Variants in VPS13D observed in about 807,000 individuals in gnomAD.
The protein encoded by VPS13D is intermembrane lipid transfer protein VPS13D.
VPS13D carries 187 observed loss-of-function variants against 461.9 expected under a neutral mutation model. The observed-to-expected ratio is 0.40, with a 90% CI of 0.36 to 0.46. The LOEUF is 0.46. VPS13D is among the 20% of genes least tolerant of loss of function. The pLI is 0.60. For missense variants in VPS13D, 4,711 were observed against 5,364.9 expected (o/e 0.88, Z 3.81); for synonymous variants, 1,951 against 1,986.3 (o/e 0.98, Z 0.47).
At chr1:12,482,664 T>C (rs1203545804) in intron 67 of VPS13D, among the ~76,000 whole-genome samples, 4 of 151,886 alleles carry the variant, frequency 2.6e-5, no homozygotes, top group Non-Finnish European at 5.9e-5. Flanking sequence ...TTATTCTCCC[T>C]GGGCATTGAC....
chr1:12,232,329 C>T (rs898982431), intron 1 of VPS13D, among the ~76,000 whole-genome samples: 4 of 152,164 alleles, frequency 2.6e-5, no homozygotes, highest in African/African-American at 9.7e-5. Flanking sequence ...AGGCCTTGTG[C>T]TTCAGGTAGT....
At position 12,311,528 on chromosome 1, in the gene VPS13D, A is replaced by G. The variant is rs1358570605; in HGVS notation, c.6725A>G (p.Tyr2242Cys). The change falls in exon 28 of 70, where the codon TAT becomes TGT. Residue 2242 changes from tyrosine (Y) to cysteine (C), a missense_variant. By Grantham distance (194) the Tyr-to-Cys change is radical. Coordinates refer to ENST00000620676, the MANE Select transcript of VPS13D (RefSeq NM_015378.4). The stretch of plus-strand genomic sequence containing the variant: ...TCAGTCCACTGCTCTCTGGATCTGT[A>G]TAAATACAAGCTGATCCGCGGCTTA... ...LSSVHCSLDL[Y>C]KYKLIRGLLE... 1 of 1,614,054 alleles carries G rather than the reference A, an allele frequency of 6.2e-7. No homozygotes were observed.
chr1:12,348,904 G>C lies in VPS13D; in HGVS notation c.9151G>C (p.Ala3051Pro), dbSNP rs748437559. Residue 3051 changes from alanine to proline, a missense_variant, in exon 45 of 70, where the codon GCC becomes CCC. Around this residue, in one of 3 missense-constraint regions of VPS13D, gnomAD observed 4,411 missense variants for 4,937.8 expected, o/e 0.89. Coordinates refer to ENST00000620676, the MANE Select transcript of VPS13D (RefSeq NM_015378.4). ...SARKVITVRSALIVRNRLETP... is the reference protein window; with the variant it reads ...SARKVITVRSPLIVRNRLETP... ...ACGGAAAGTCATCACTGTCCGGTCA[G>C]CCCTCATTGTGAGGAACAGACTTGA... 1.9e-6 allele frequency: 3 copies of C among 1,614,070 alleles called. No homozygotes were observed. The South Asian group carries it at 3.3e-5, about 18-fold the overall frequency.
chr1:12,248,352 GTTA>G lies in VPS13D; in HGVS notation c.448-864_448-862del, dbSNP rs751227576. ...TATTATTATTATTATTATTATTATT[GTTA>G]TTATTAAGACATAATCTCACTCCGT... is the stretch of plus-strand genomic sequence containing the variant. On this transcript the variant is annotated intron_variant, in intron 5 of 69. Transcript: ENST00000620676. 3.7e-4 allele frequency among the ~76,000 whole-genome samples: 55 copies of G among 148,940 alleles called. 1 individual carries two copies. The Middle Eastern group carries it at 0.021, about 56-fold the overall frequency.
chr1:12,440,926 A>AT lies in VPS13D; in HGVS notation c.12334-15061dup, dbSNP rs536104936. On this transcript the variant is annotated intron_variant, in intron 65 of 69. Transcript: ENST00000620676. The stretch of plus-strand genomic sequence containing the variant: ...AAAAATAAAATGAAGGGAGGAAAAG[A>AT]TTTTTTTTTTTCTTTCGAGATGGAG... Among the ~76,000 whole-genome samples the AT allele has an allele frequency of 1.2e-3, 175 of 147,592 alleles. 1 individual carries two copies. The highest frequency in any genetic ancestry group is 1.4e-3 in the African/African-American group (58 of 40,242).
chr1:12,379,404 C>A, intron 56 of VPS13D, 84 bp from the exon 57 acceptor site: 1 of 1,269,038 alleles, frequency 7.9e-7, no homozygotes, highest in Non-Finnish European at 1.1e-6. Flanking sequence ...GGAAGAAGAG[C>A]AAAGCCATCA....
At chr1:12,498,009 A>T (rs1172222717) in intron 68 of VPS13D, among the ~76,000 whole-genome samples, 1 of 152,244 alleles carries the variant, frequency 6.6e-6, no homozygotes, top group East Asian at 1.9e-4. Context: ...GCAAAACAAA[A>T]CAGAAAAACA....
At chr1:12,365,105 A>G (rs77477656) in intron 52 of VPS13D, among the ~76,000 whole-genome samples, 8 of 152,074 alleles carry the variant, frequency 5.3e-5, no homozygotes, top group Non-Finnish European at 8.8e-5. Context: ...ACTCTAATCT[A>G]TTTCATTGGT....
At chr1:12,392,060 C>T (rs1197836602) in intron 60 of VPS13D, among the ~76,000 whole-genome samples, 1 of 152,048 alleles carries the variant, frequency 6.6e-6, no homozygotes, top group Non-Finnish European at 1.5e-5. Context: ...AGGGATCTTG[C>T]CGTGTTGGCC....
chr1:12,239,816 T>G (rs1640285971), intron 2 of VPS13D, among the ~76,000 whole-genome samples: 1 of 152,094 alleles, frequency 6.6e-6, no homozygotes, highest in Admixed American at 6.5e-5. Context: ...GATGAGGAGT[T>G]TTTGGATGAG....
chr1:12,432,609 CT>C (rs758179241), intron 65 of VPS13D, among the ~76,000 whole-genome samples: 753 of 139,698 alleles, frequency 5.4e-3, no homozygotes, highest in Non-Finnish European at 6.4e-3. Context: ...AATCCTTTCC[CT>C]TTTTTTTTTT....
intron 29 of VPS13D, among the ~76,000 whole-genome samples, chr1:12,313,208 G>A (rs146016809): frequency 0.011 from 1,712 of 151,778 alleles, 15 homozygotes; most frequent in Non-Finnish European, 0.016. Flanking sequence ...AGTCCGCCAC[G>A]GTCTGTACCT....
chr1:12,274,531 C>G (rs1287086807), intron 18 of VPS13D, among the ~76,000 whole-genome samples: 2 of 151,758 alleles, frequency 1.3e-5, no homozygotes, highest in Non-Finnish European at 2.9e-5. Flanking sequence ...AGGCAGGTCT[C>G]GAACTCCTAA....
chr1:12,321,936 A>G lies in VPS13D; in HGVS notation c.7676A>G (p.Asn2559Ser), dbSNP rs927062033. The G allele has an allele frequency of 1.4e-5, 23 of 1,613,512 alleles. No individual in the cohort carries two copies. Among genetic ancestry groups the G allele is most frequent in the African/African-American group, 4.0e-5 (3 of 74,908 alleles). ...AGTTCAGGATTGATGGATGCATTCA[A>G]TAGTGAAGATTTCCCACCTGTCCTG... ...QNSSGLMDAF[N>S]SEDFPPVLEI... Residue 2559 changes from asparagine (N) to serine (S), a missense_variant, in exon 33 of 70, where the codon AAT (asparagine) becomes AGT (serine). Asn to Ser is a conservative substitution (Grantham distance 46, BLOSUM62 1). Coordinates refer to ENST00000620676, the MANE Select transcript of VPS13D (RefSeq NM_015378.4).
intron 67 of VPS13D, among the ~76,000 whole-genome samples, chr1:12,488,118 A>G (rs775547739): frequency 1.3e-5 from 2 of 152,226 alleles, no homozygotes; most frequent in Non-Finnish European, 2.9e-5. Flanking sequence ...AGTCATTCAG[A>G]CAGGTCCAGG....
Position 12,299,815 on chromosome 1 carries a change from C to T in VPS13D, c.6216+431C>T, listed in dbSNP as rs17037973. Among the ~76,000 whole-genome samples the T allele has an allele frequency of 0.036, 5,475 of 151,640 alleles. 196 individuals carry two copies. Among genetic ancestry groups the T allele is most frequent in the African/African-American group, 0.088 (3,653 of 41,328 alleles). On this transcript the variant is annotated intron_variant, in intron 25 of 69. Transcript: ENST00000620676. This position sits in a 1 kb window ranked among gnomAD's most constrained non-coding sequence, Gnocchi z 4.2. ...CTTTTTTCAGAGGACGTGATTGGCC[C>T]GTGGTTTACTTGAAGCCATTTAAAA...
In VPS13D at chr1:12,302,483, A is replaced by G. The variant is rs975707854; in HGVS notation, c.6217-2023A>G. On this transcript the variant is annotated intron_variant, in intron 25 of 69. Transcript: ENST00000620676. ...CAAGATACTGAAGACATTTTTGCAA[A>G]AGGGTTCCTATTTTTTAAGTCAAAT... Among the ~76,000 whole-genome samples, 7 of 152,310 alleles carry G rather than the reference A, an allele frequency of 4.6e-5. No individual in the cohort carries two copies. The East Asian group carries it at 7.7e-4, about 17-fold the overall frequency.
chr1:12,283,573 A>G lies in VPS13D; in HGVS notation c.5471A>G (p.Gln1824Arg), dbSNP rs1412120886. 3 of 1,614,232 alleles carry G rather than the reference A, an allele frequency of 1.9e-6. No homozygotes were observed. Among genetic ancestry groups the G allele is most frequent in the South Asian group, 2.2e-5 (2 of 91,080 alleles). The change falls in exon 21 of 70, where the codon CAA becomes CGA. Residue 1824 changes from glutamine (Q) to arginine (R), a missense_variant. Gln to Arg is a conservative substitution (Grantham distance 43). Transcript: ENST00000620676. Reference protein sequence around the residue: ...FNCLDVLITLQTWVVILDFFG... With the variant: ...FNCLDVLITLRTWVVILDFFG... ...TGCTTGGATGTGCTGATCACACTGC[A>G]AACCTGGGTTGTGATATTAGACTTT...
intron 25 of VPS13D, among the ~76,000 whole-genome samples, chr1:12,300,500 G>A (rs183515351): frequency 6.6e-6 from 1 of 152,204 alleles, no homozygotes; most frequent in Admixed American, 6.5e-5. Context: ...GAGCCACCAT[G>A]CCCGGCCACA....
Sources: gnomAD v4.1 joint callset for allele counts (sites outside exome capture counted in the v4.1 genomes callset) on GRCh38, gnomAD v4.1.1 for gene constraint, gnomAD v4.1.1 regional missense constraint, Gnocchi (gnomAD v3.1) non-coding constraint, MANE v1.5 for transcripts, NCBI Gene and HGNC (gene_info 2026-07-23, HGNC 2026-07-21) for gene names.